Variants in FREM3 observed in about 807,000 individuals in gnomAD.
The protein encoded by FREM3 is FRAS1 related extracellular matrix 3, also known as FRAS1-related extracellular matrix protein 3.
A neutral mutation model predicts 129.1 loss-of-function variants in FREM3; 105 were observed. That is an observed-to-expected ratio of 0.81 (90% CI 0.69 to 0.96). FREM3 has a LOEUF of 0.96. Among genes scored for constraint, FREM3 ranks in the 40% least tolerant of loss-of-function variants. The pLI is 0.00. For synonymous variants in FREM3, 1,014 were observed against 1,044.9 expected (o/e 0.97, Z 0.57); for missense variants, 2,593 against 2,666.3 (o/e 0.97, Z 0.61).
chr4:143,669,888 T>C (rs904288677), intron 2 of FREM3, among the ~76,000 whole-genome samples: 31 of 152,172 alleles, frequency 2.0e-4, no homozygotes, highest in Admixed American at 1.3e-4. Flanking sequence ...ATAGTGAGCA[T>C]AGTACCCAAT....
chr4:143,649,934 G>T (rs1739481923), intron 2 of FREM3, among the ~76,000 whole-genome samples: 2 of 152,182 alleles, frequency 1.3e-5, no homozygotes, highest in African/African-American at 4.8e-5. Flanking sequence ...ACTAGTCCAT[G>T]ATATCTACTC....
chr4:143,638,868 G>T (rs972563892), intron 2 of FREM3, among the ~76,000 whole-genome samples: 6 of 152,260 alleles, frequency 3.9e-5, no homozygotes, highest in African/African-American at 1.4e-4. Flanking sequence ...ATCACAGAGA[G>T]CTCATGACTG....
rs559894796 is a variant in FREM3, at chr4:143,695,471, A to C, written c.5185+20T>G. ...AATGAAGGAGAGGGACAGAATAGGC[A>C]GGGAAGAATACATACTAACCTTGTG... On this transcript the variant is annotated intron_variant, in intron 1 of 7. Transcript: ENST00000329798. 42 of 1,518,300 alleles carry C rather than the reference A, an allele frequency of 2.8e-5. No homozygotes were observed. Among genetic ancestry groups the C allele is most frequent in the Non-Finnish European group, 3.5e-5 (40 of 1,136,178 alleles). 94.1% of individuals were successfully genotyped at this position (1,518,300 alleles called of 1,614,324 possible).
chr4:143,613,924 C>T (rs1738802293), intron 5 of FREM3, among the ~76,000 whole-genome samples: 1 of 152,102 alleles, frequency 6.6e-6, no homozygotes, highest in African/African-American at 2.4e-5. Flanking sequence ...AATGAATATT[C>T]AAATAATGAT....
At chr4:143,677,772 A>T (rs1740171817) in intron 2 of FREM3, among the ~76,000 whole-genome samples, 1 of 152,270 alleles carries the variant, frequency 6.6e-6, no homozygotes, top group African/African-American at 2.4e-5. Context: ...TTATGCAGCC[A>T]ACAGACATAT....
intron 5 of FREM3, among the ~76,000 whole-genome samples, chr4:143,618,087 G>A (rs879879279): frequency 2.6e-5 from 4 of 152,168 alleles, no homozygotes; most frequent in Non-Finnish European, 5.9e-5. Context: ...AATTCACCGA[G>A]TGTCTGTCTG....
chr4:143,676,687 A>G (rs2149857669), intron 2 of FREM3, among the ~76,000 whole-genome samples: 1 of 152,360 alleles, frequency 6.6e-6, no homozygotes, highest in South Asian at 2.1e-4. Context: ...AAGCAACTTC[A>G]GCAAAGTCTC....
chr4:143,618,731 C>A (rs896895303), intron 5 of FREM3, among the ~76,000 whole-genome samples: 1 of 152,018 alleles, frequency 6.6e-6, no homozygotes, highest in African/African-American at 2.4e-5. Context: ...TTCGTCTCTA[C>A]AAAAAATTTT....
intron 5 of FREM3, among the ~76,000 whole-genome samples, chr4:143,615,051 C>T (rs1738820975): frequency 6.6e-6 from 1 of 152,196 alleles, no homozygotes; most frequent in Admixed American, 6.5e-5. Flanking sequence ...TCTGTGGCTA[C>T]ATATTACATT....
intron 2 of FREM3, among the ~76,000 whole-genome samples, chr4:143,672,052 G>A (rs1044493267): frequency 1.3e-5 from 2 of 152,334 alleles, no homozygotes; most frequent in African/African-American, 4.8e-5. Flanking sequence ...TGTCACTGCA[G>A]AGTGATGTTT....
intron 6 of FREM3, among the ~76,000 whole-genome samples, chr4:143,596,041 A>G (rs952923017): frequency 2.6e-5 from 4 of 152,184 alleles, no homozygotes; most frequent in African/African-American, 9.7e-5. Flanking sequence ...ACAAAGACAC[A>G]TAAGCATGAA....
intron 6 of FREM3, among the ~76,000 whole-genome samples, chr4:143,588,046 C>G (rs1738272821): frequency 6.6e-6 from 1 of 152,126 alleles, no homozygotes; most frequent in African/African-American, 2.4e-5. Context: ...TGTTCATCCA[C>G]CAAAGCAGCC....
chr4:143,656,146 C>T (rs1021654743), intron 2 of FREM3, among the ~76,000 whole-genome samples: 26 of 152,236 alleles, frequency 1.7e-4, no homozygotes, highest in Middle Eastern at 3.4e-3. Context: ...ATTAGATAAA[C>T]ACCCAAGCCT....
In FREM3 at chr4:143,697,061, C is replaced by T. The variant is rs1159976223; in HGVS notation, c.3615G>A (p.Glu1205=). The T allele has an allele frequency of 2.1e-5, 33 of 1,537,608 alleles. No homozygotes were observed. The highest frequency in any genetic ancestry group is 2.7e-5 in the Non-Finnish European group (31 of 1,147,020). Residue 1205 remains glutamate (E), a synonymous_variant, in exon 1 of 8, where the codon GAG becomes GAA. Coordinates refer to ENST00000329798, the MANE Select transcript of FREM3 (RefSeq NM_001168235.2). The part of the protein sequence containing the change: ...KLFAHEFKVL[E]GMSLVIDTQL... ...GGGTGTCTATGACCAGGCTCATCCC[C>T]TCTAGTACCTTAAACTCATGGGCAA...
intron 2 of FREM3, among the ~76,000 whole-genome samples, chr4:143,688,307 T>C (rs753807785): frequency 7.2e-5 from 11 of 152,048 alleles, no homozygotes; most frequent in Non-Finnish European, 1.3e-4. Context: ...CTTAGGAATA[T>C]ACCTAACCAA....
At chr4:143,642,054 GT>G (rs1739329027) in intron 2 of FREM3, among the ~76,000 whole-genome samples, 1 of 150,254 alleles carries the variant, frequency 6.7e-6, no homozygotes, top group Non-Finnish European at 1.5e-5. Flanking sequence ...CAGAAATTCA[GT>G]TCAAAAACCA....
rs542280479 is a variant in FREM3 at position 143,592,035 on chromosome 4, C to G, written c.6029-6042G>C. Among the ~76,000 whole-genome samples the G allele has an allele frequency of 4.2e-3, 635 of 152,250 alleles. 4 individuals carry two copies. The highest frequency in any genetic ancestry group is 6.8e-3 in the Non-Finnish European group (462 of 68,004). On this transcript the variant is annotated intron_variant, in intron 6 of 7. Coordinates refer to ENST00000329798, the MANE Select transcript of FREM3 (RefSeq NM_001168235.2). ...CTTTTGATCTTTGTTGGTTTAACAT[C>G]TGTTTTATCAGAGACTAGGATTGCA...
chr4:143,577,616 C>G lies in FREM3; in HGVS notation c.6415G>C (p.Asp2139His), dbSNP rs1315240443. The G allele has an allele frequency of 6.5e-7, 1 of 1,536,042 alleles. No homozygotes were observed. Among genetic ancestry groups the G allele is most frequent in the Admixed American group, 2.0e-5 (1 of 50,882 alleles). ...DCKQSACSSF[D>H] ...TTTTTCCCTCTTAAAGTCTTTCAAT[C>G]AAAGGAACTACAAGCACTCTGCTTA... is the stretch of plus-strand genomic sequence containing the variant. Residue 2139 changes from aspartate to histidine, a missense_variant, in exon 8 of 8, where the codon GAT becomes CAT. By Grantham distance (81) the Asp-to-His change is moderately conservative. Transcript: ENST00000329798.
intron 6 of FREM3, chr4:143,602,020 T>G (rs986582607): frequency 5.3e-5 from 8 of 152,152 alleles, no homozygotes; most frequent in Non-Finnish European, 7.4e-5. Flanking sequence ...CTAGATACTG[T>G]GTCATCATTT....
Sources: allele counts gnomAD v4.1 joint callset (sites outside exome capture counted in the v4.1 genomes callset), GRCh38; gene constraint gnomAD v4.1.1; transcripts MANE v1.5; gene names NCBI Gene and HGNC (gene_info 2026-07-23, HGNC 2026-07-21).